GPC5: variants seen among roughly 807,000 people sequenced by gnomAD.
The protein encoded by GPC5 is glypican 5, also known as glypican-5.
In GPC5, 47 loss-of-function variants were observed where a neutral mutation model predicts 53.9. The observed-to-expected ratio is 0.87, with a 90% CI of 0.69 to 1.11. GPC5 has a LOEUF of 1.11. Ranked by LOEUF, GPC5 falls within the 50% of genes most tolerant of loss-of-function variation. The pLI, the probability that GPC5 is intolerant of heterozygous loss-of-function variation, is 0.00. For missense variants in GPC5, 748 were observed against 713.1 expected (o/e 1.05, Z -0.56); for synonymous variants, 286 against 263.3 (o/e 1.09, Z -0.84).
intron 5 of GPC5, among the ~76,000 whole-genome samples, chr13:91,869,037 T>C (rs964426689): frequency 4.6e-4 from 70 of 152,206 alleles, no homozygotes; most frequent in African/African-American, 1.6e-3. Context: ...TTTTTTGTTT[T>C]GTTTCGTTTG....
chr13:92,135,995 G>A (rs1275258312), intron 6 of GPC5, among the ~76,000 whole-genome samples: 3 of 152,138 alleles, frequency 2.0e-5, no homozygotes, highest in Non-Finnish European at 4.4e-5. Context: ...AGAAAAGTTT[G>A]GTATAAGATT....
In GPC5 at chr13:91,568,561, G is replaced by GAAAAA. The variant is rs565705289; in HGVS notation, c.325+119646_325+119650dup. Among the ~76,000 whole-genome samples, 155 of 141,318 alleles carry GAAAAA rather than the reference G, an allele frequency of 1.1e-3. 2 individuals are homozygous for GAAAAA. The highest frequency in any genetic ancestry group is 3.7e-3 in the African/African-American group (145 of 38,866). 92.7% of individuals were successfully genotyped at this position (141,318 alleles called of 152,430 possible). A position where few individuals can be genotyped will look rare whatever the true frequency, so the allele number is the denominator to read the frequency against. On this transcript the variant is annotated intron_variant, in intron 2 of 7. Coordinates refer to ENST00000377067, the MANE Select transcript of GPC5 (RefSeq NM_004466.6). ...CTAGGGAAAAAGTAGAGCTTTTATT[G>GAAAAA]AAAAAAAAAAAGGCATGAAAGTTTA...
At chr13:92,559,202 T>C (rs1394149674) in intron 7 of GPC5, among the ~76,000 whole-genome samples, 1 of 151,714 alleles carries the variant, frequency 6.6e-6, no homozygotes, top group Non-Finnish European at 1.5e-5. Context: ...GGAGATTCCT[T>C]AGATTGAATG....
intron 4 of GPC5, among the ~76,000 whole-genome samples, chr13:91,753,503 C>A (rs1437111629): frequency 6.6e-6 from 1 of 152,176 alleles, no homozygotes; most frequent in Non-Finnish European, 1.5e-5. Flanking sequence ...CTTCTCACAT[C>A]CTCAGGGTTT....
At chr13:91,424,489 C>T (rs2147196) in intron 1 of GPC5, among the ~76,000 whole-genome samples, 9,889 of 151,496 alleles carry the variant, frequency 0.065, 956 homozygotes, top group African/African-American at 0.21. Context: ...CTCAGCCTCC[C>T]GAGTAGCTGG....
chr13:91,907,946 G>A lies in GPC5; in HGVS notation c.1290G>A (p.Gln430=). Residue 430 remains glutamine (Q), a synonymous_variant, in exon 6 of 8, where the codon CAG becomes CAA. Coordinates refer to ENST00000377067, the MANE Select transcript of GPC5 (RefSeq NM_004466.6). ...ACATTTCCCTTGCTAGTTATACTCA[G>A]CGTGTGGTTGGAAATGGAATCAAAG... ...NGEDIVKSYT[Q]RVVGNGIKAQ... 1 of 1,595,024 alleles carries A rather than the reference G, an allele frequency of 6.3e-7. No homozygotes were observed. The highest frequency in any genetic ancestry group is 1.1e-5 in the South Asian group (1 of 90,948).
At chr13:91,858,002 T>C (rs1292415198) in intron 5 of GPC5, among the ~76,000 whole-genome samples, 3 of 151,696 alleles carry the variant, frequency 2.0e-5, no homozygotes, top group African/African-American at 4.8e-5. Flanking sequence ...TATGTGTTAC[T>C]AGAATTTATT....
At chr13:91,947,128 G>T (rs892712057) in intron 6 of GPC5, among the ~76,000 whole-genome samples, 10 of 152,230 alleles carry the variant, frequency 6.6e-5, no homozygotes, top group Admixed American at 6.5e-4. Context: ...AGCAAGGTCA[G>T]ATTACTTTTA....
At chr13:92,208,880 T>C (rs1165538448) in intron 7 of GPC5, among the ~76,000 whole-genome samples, 1 of 152,148 alleles carries the variant, frequency 6.6e-6, no homozygotes, top group East Asian at 1.9e-4. Flanking sequence ...TAATAAAACA[T>C]CAAGCCCAAC....
chr13:92,537,977 C>A (rs994649299), intron 7 of GPC5, among the ~76,000 whole-genome samples: 20 of 151,910 alleles, frequency 1.3e-4, no homozygotes, highest in Non-Finnish European at 1.5e-5. Flanking sequence ...AGATGCTGGT[C>A]TGAACATTTA....
chr13:91,635,848 A>G (rs1485737756), intron 2 of GPC5, among the ~76,000 whole-genome samples: 2 of 152,250 alleles, frequency 1.3e-5, no homozygotes, highest in East Asian at 1.9e-4. Flanking sequence ...TTGAATTTAT[A>G]GATTTCATTT....
chr13:91,681,111 G>A (rs2035498500), intron 2 of GPC5, among the ~76,000 whole-genome samples: 1 of 152,046 alleles, frequency 6.6e-6, no homozygotes, highest in African/African-American at 2.4e-5. Flanking sequence ...AGCGTTCCGA[G>A]ACCGAAAACT....
chr13:92,083,610 A>G lies in GPC5; in HGVS notation c.1402-61220A>G, dbSNP rs184245569. ...TCCGTACATTATATTTTATGTTTTT[A>G]TTACCAAAATACAAATAGACTCTTG... On this transcript the variant is annotated intron_variant, in intron 6 of 7. Coordinates refer to ENST00000377067, the MANE Select transcript of GPC5 (RefSeq NM_004466.6). 1.2e-4 allele frequency among the ~76,000 whole-genome samples: 18 copies of G among 152,308 alleles called. No homozygotes were observed. The East Asian group carries it at 3.1e-3, about 26-fold the overall frequency.
intron 7 of GPC5, among the ~76,000 whole-genome samples, chr13:92,497,422 G>T (rs1880018750): frequency 6.6e-6 from 1 of 152,046 alleles, no homozygotes; most frequent in African/African-American, 2.4e-5. Context: ...TTAGATGTGT[G>T]GTGTTATTTC....
intron 1 of GPC5, among the ~76,000 whole-genome samples, chr13:91,440,355 C>G (rs1328079151): frequency 6.6e-6 from 1 of 152,134 alleles, no homozygotes; most frequent in Non-Finnish European, 1.5e-5. Context: ...GATCTATCTT[C>G]AAGTATACTG....
intron 7 of GPC5, among the ~76,000 whole-genome samples, chr13:92,714,367 A>C (rs1322226293): frequency 1.3e-5 from 2 of 152,232 alleles, no homozygotes; most frequent in Admixed American, 6.5e-5. Flanking sequence ...CTATGAACAA[A>C]GAATTCTTCC....
At chr13:91,607,319 C>T (rs78976173) in intron 2 of GPC5, among the ~76,000 whole-genome samples, 2,633 of 152,208 alleles carry the variant, frequency 0.017, 74 homozygotes, top group African/African-American at 0.06. Context: ...TAAGTCTTTA[C>T]GTTCTTAGAA....
chr13:91,423,573 G>T (rs551839798), intron 1 of GPC5, among the ~76,000 whole-genome samples: 8 of 151,836 alleles, frequency 5.3e-5, no homozygotes, highest in Non-Finnish European at 8.8e-5. Flanking sequence ...TACCAGTAGA[G>T]GGGGGGTGTG....
intron 2 of GPC5, among the ~76,000 whole-genome samples, chr13:91,636,820 T>C (rs1167926755): frequency 6.6e-6 from 1 of 151,766 alleles, no homozygotes; most frequent in Non-Finnish European, 1.5e-5. Context: ...AAATTAGGCA[T>C]GGTGGTGCGT....
Sources: gnomAD v4.1 joint callset for allele counts (sites outside exome capture counted in the v4.1 genomes callset) on GRCh38, gnomAD v4.1.1 for gene constraint, MANE v1.5 for transcripts, NCBI Gene and HGNC (gene_info 2026-07-23, HGNC 2026-07-21) for gene names.